Variants in LINGO1 observed in about 807,000 individuals in gnomAD.
LINGO1 encodes leucine rich repeat and Ig domain containing 1.
LINGO1 carries 11 observed loss-of-function variants against 37.3 expected under a neutral mutation model. The observed-to-expected ratio is 0.29, with a 90% CI of 0.19 to 0.49. LINGO1 has a LOEUF of 0.49. LINGO1 is among the 20% of genes least tolerant of loss of function. LINGO1 has a pLI of 0.99. For synonymous variants in LINGO1, 387 were observed against 403.0 expected (o/e 0.96, Z 0.48); for missense variants, 585 against 878.2 (o/e 0.67, Z 4.22).
At chr15:77,643,898 C>T (rs959799966) in intron 3 of LINGO1, among the ~76,000 whole-genome samples, 2 of 152,192 alleles carry the variant, frequency 1.3e-5, no homozygotes, top group Non-Finnish European at 2.9e-5. Context: ...GCTCAAGGAC[C>T]TCCTGAAATG....
chr15:77,659,395 C>T (rs905336696), intron 3 of LINGO1, among the ~76,000 whole-genome samples: 1 of 152,006 alleles, frequency 6.6e-6, no homozygotes, highest in Non-Finnish European at 1.5e-5. Context: ...ACCTAGGACT[C>T]CCCCATCCAA....
At chr15:77,731,480 C>T (rs1375843679) in intron 2 of LINGO1, among the ~76,000 whole-genome samples, 1 of 152,236 alleles carries the variant, frequency 6.6e-6, no homozygotes, top group African/African-American at 2.4e-5. Context: ...AATCCCAGCT[C>T]TGCCTTTTCT....
At chr15:77,726,481 T>C (rs28698962) in intron 2 of LINGO1, among the ~76,000 whole-genome samples, 17,042 of 152,306 alleles carry the variant, frequency 0.11, 1,141 homozygotes, top group African/African-American at 0.18. Context: ...ATCAAGACCC[T>C]GCACAAGAAA....
intron 2 of LINGO1, among the ~76,000 whole-genome samples, chr15:77,705,173 T>TCACACACACACACACACACACACACACA (rs1187038083): frequency 6.8e-4 from 30 of 44,116 alleles, no homozygotes; most frequent in Non-Finnish European, 1.4e-3. Flanking sequence ...CCCCCTGCCA[T>TCACACACACACACACACACACACACACA]GACACACACA....
chr15:77,744,996 T>C (rs560522405), intron 1 of LINGO1, among the ~76,000 whole-genome samples: 3 of 151,492 alleles, frequency 2.0e-5, no homozygotes, highest in South Asian at 4.2e-4. Context: ...TACACACTTG[T>C]AATCCCAGCT....
chr15:77,636,125 C>G (rs536819988), upstream of LINGO1, among the ~76,000 whole-genome samples: 1 of 152,370 alleles, frequency 6.6e-6, no homozygotes, highest in African/African-American at 2.4e-5. Context: ...CTCAAGTTCA[C>G]TCTGTGCACG....
intron 1 of LINGO1, among the ~76,000 whole-genome samples, chr15:77,621,909 T>C (rs899438089): frequency 1.3e-5 from 2 of 152,196 alleles, no homozygotes; most frequent in Non-Finnish European, 2.9e-5. Flanking sequence ...GGGGACCCCC[T>C]GCACACACAG....
intron 1 of LINGO1, among the ~76,000 whole-genome samples, chr15:77,772,777 T>C (rs1239197744): frequency 1.3e-5 from 2 of 151,132 alleles, no homozygotes; most frequent in South Asian, 2.1e-4. Context: ...AAAGCCCTCT[T>C]TCCCCCCACC....
At chr15:77,818,422 G>A (rs1566968492) in intron 1 of LINGO1, among the ~76,000 whole-genome samples, 1 of 152,208 alleles carries the variant, frequency 6.6e-6, no homozygotes, top group Non-Finnish European at 1.5e-5. Context: ...ATGGGAGAGG[G>A]TACAAAGCAC....
At chr15:77,699,772 C>CACCTGCACACAGTAAGTACAT (rs1482949650), upstream of LINGO1, among the ~76,000 whole-genome samples, 1 of 150,222 alleles carries the variant, frequency 6.7e-6, no homozygotes, top group African/African-American at 2.5e-5. Flanking sequence ...TACTAACCAT[C>CACCTGCACACAGTAAGTACAT]ATTCCCCCCC....
chr15:77,642,112 C>G (rs2074520844), intron 3 of LINGO1, among the ~76,000 whole-genome samples: 1 of 152,216 alleles, frequency 6.6e-6, no homozygotes, highest in Non-Finnish European at 1.5e-5. Flanking sequence ...TCCTCCACCT[C>G]TGCCTTCCAC....
intron 1 of LINGO1, among the ~76,000 whole-genome samples, chr15:77,762,663 C>T (rs1373601381): frequency 2.0e-5 from 3 of 152,166 alleles, no homozygotes; most frequent in Non-Finnish European, 4.4e-5. Context: ...GGACCACCCT[C>T]CACCCAAACT....
At chr15:77,791,993 T>A (rs1330195902), upstream of LINGO1, among the ~76,000 whole-genome samples, 1 of 152,038 alleles carries the variant, frequency 6.6e-6, no homozygotes, top group Admixed American at 6.5e-5. Context: ...CTACATCATC[T>A]TGTCCAGGCT....
At chr15:77,759,010 C>T (rs1367797336) in intron 1 of LINGO1, among the ~76,000 whole-genome samples, 1 of 152,122 alleles carries the variant, frequency 6.6e-6, no homozygotes, top group African/African-American at 2.4e-5. Flanking sequence ...AGAGAGAGCA[C>T]CTGAGACCAA....
At chr15:77,685,794 T>C (rs886455270) in intron 2 of LINGO1, among the ~76,000 whole-genome samples, 3 of 152,036 alleles carry the variant, frequency 2.0e-5, no homozygotes, top group Admixed American at 1.3e-4. Flanking sequence ...GAGGCTTCCA[T>C]GAGCCATGAT....
At chr15:77,807,022 C>A (rs962449466) in intron 1 of LINGO1, among the ~76,000 whole-genome samples, 9 of 152,236 alleles carry the variant, frequency 5.9e-5, no homozygotes, top group Non-Finnish European at 1.3e-4. Flanking sequence ...TCTGGGCAGC[C>A]TCGGCTCCAG....
At chr15:77,783,735 TGGAGAGATTGTG>T (rs542456746) in intron 1 of LINGO1, among the ~76,000 whole-genome samples, 138 of 152,246 alleles carry the variant, frequency 9.1e-4, no homozygotes, top group East Asian at 8.1e-3. Context: ...AGGAAGAAGC[TGGAGAGATTGTG>T]GGAGTTGCCT....
At chr15:77,652,151 C>T (rs2074771564) in intron 3 of LINGO1, 1 of 152,210 alleles carries the variant, frequency 6.6e-6, no homozygotes. Context: ...GACCCACCCA[C>T]TTTGGGTAAA....
At position 77,779,274 on chromosome 15, in the gene LINGO1, C is replaced by T. The variant is rs148015981; in HGVS notation, c.-257+7595G>A. Among the ~76,000 whole-genome samples, 830 of 152,242 alleles carry T rather than the reference C, an allele frequency of 5.5e-3. 7 individuals are homozygous for T. Among genetic ancestry groups the T allele is most frequent in the African/African-American group, 0.019 (787 of 41,516 alleles). On this transcript the variant is annotated intron_variant, in intron 1 of 3. Coordinates refer to the LINGO1 transcript ENST00000561686. ...TGTTTAATATCTCTCTCCCCCACTACAGCAGTCCCCAACCTTTCTGGCACC... is the reference window on the plus strand; with the variant it reads ...TGTTTAATATCTCTCTCCCCCACTATAGCAGTCCCCAACCTTTCTGGCACC...
Sources: allele counts gnomAD v4.1 joint callset (sites outside exome capture counted in the v4.1 genomes callset), GRCh38; gene constraint gnomAD v4.1.1; transcripts MANE v1.5; gene names NCBI Gene and HGNC (gene_info 2026-07-23, HGNC 2026-07-21).